The following CLK4 variants were observed in gnomAD, a reference collection of about 807,000 sequenced individuals.
CLK4 encodes dual specificity protein kinase CLK4.
A neutral mutation model predicts 64.4 loss-of-function variants in CLK4; 37 were observed. That is an observed-to-expected ratio of 0.57 (90% CI 0.44 to 0.76). CLK4 has a LOEUF of 0.76. CLK4 is among the 30% of genes least tolerant of loss of function. The pLI is 0.00. For synonymous variants in CLK4, 175 were observed against 191.6 expected (o/e 0.91, Z 0.72); for missense variants, 457 against 605.1 (o/e 0.76, Z 2.57).
chr5:178,609,734 AAT>A (rs56177248), intron 9 of CLK4, among the ~76,000 whole-genome samples: 41,598 of 141,556 alleles, frequency 0.29, 6,451 homozygotes, highest in Middle Eastern at 0.45. Flanking sequence ...AAAATTTTAA[AAT>A]ATATATATAT....
intron 2 of CLK4, chr5:178,619,800 TAG>T (rs1764680390): frequency 5.4e-6 from 7 of 1,289,236 alleles, no homozygotes; most frequent in African/African-American, 1.5e-5. Context: ...GAAAAGGACA[TAG>T]ATTCAATTGG....
rs1764570451 is a variant in CLK4 at position 178,612,458 on chromosome 5, A to G, written c.1009T>C (p.Leu337=). Residue 337 remains leucine (L), a synonymous_variant, in exon 9 of 13, where the codon TTG becomes CTG. Transcript: ENST00000316308. ...ATYDDEHHST[L]VSTRHYRAPE... The stretch of plus-strand genomic sequence containing the variant: ...GCTCTGTAGTGCCGGGTAGACACCA[A>G]AGTACTGTGATGTTCATCATCATAC... The G allele has an allele frequency of 1.2e-6, 2 of 1,614,072 alleles. No individual in the cohort carries two copies. Among genetic ancestry groups the G allele is most frequent in the South Asian group, 1.1e-5 (1 of 91,076 alleles).
In CLK4 at chr5:178,602,858, T is replaced by C. The variant is rs2113796595; in HGVS notation, c.*759A>G. 1 of 152,336 alleles carries C rather than the reference T, an allele frequency of 6.6e-6. No individual in the cohort carries two copies. Among genetic ancestry groups the C allele is most frequent in the South Asian group, 2.1e-4 (1 of 4,830 alleles). 9.4% of individuals were successfully genotyped at this position (152,336 alleles called of 1,614,324 possible). On this transcript the variant is annotated 3_prime_UTR_variant, in exon 13 of 13. Coordinates refer to ENST00000316308, the MANE Select transcript of CLK4 (RefSeq NM_020666.3). The stretch of plus-strand genomic sequence containing the variant: ...TTGATAAACAGATGCTGGCCAATGT[T>C]AAGACTCCTAAGGACTTGGTATTAA...
At chr5:178,613,984 T>TA (rs1325376456) in intron 5 of CLK4, 141 bp from the exon 6 acceptor site, 116 of 591,632 alleles carry the variant, frequency 2.0e-4, no homozygotes, top group African/African-American at 1.3e-3. Flanking sequence ...GCAGATTCCA[T>TA]ATAACATCTT....
intron 9 of CLK4, among the ~76,000 whole-genome samples, chr5:178,609,482 A>G (rs1764521891): frequency 1.3e-5 from 2 of 151,966 alleles, no homozygotes; most frequent in Admixed American, 1.3e-4. Flanking sequence ...GCAGTTCGAG[A>G]CCAGTCTGAC....
chr5:178,626,758 G>C (rs1396087241), intron 1 of CLK4, among the ~76,000 whole-genome samples, 188 bp downstream of exon 1: 2 of 152,230 alleles, frequency 1.3e-5, no homozygotes, highest in African/African-American at 4.8e-5. Flanking sequence ...AGAAGGGTCA[G>C]CGGCAGAACC....
chr5:178,620,034 C>A, intron 2 of CLK4: 1 of 366,578 alleles, frequency 2.7e-6, no homozygotes, highest in Non-Finnish European at 5.8e-6. Flanking sequence ...CATTCTTTTT[C>A]CCAGGGGGCT....
In CLK4 at chr5:178,613,635, A is replaced by G. The variant is rs138005379; in HGVS notation, c.664T>C (p.Cys222Arg). 1.7e-5 allele frequency: 27 copies of G among 1,609,110 alleles called. No individual in the cohort carries two copies. The highest frequency in any genetic ancestry group is 2.2e-5 in the Non-Finnish European group (26 of 1,177,842). Residue 222 changes from cysteine (C) to arginine (R), a missense_variant, in exon 7 of 13, where the codon TGT (cysteine) becomes CGT (arginine). Physicochemically the swap from Cys to Arg is radical, Grantham distance 180. Transcript: ENST00000316308. ...TCAAACCATTCTAGCATCTGGACACATCGGCTAAAACAGAGCAAAATAATA... is the reference window on the plus strand; with the variant it reads ...TCAAACCATTCTAGCATCTGGACACGTCGGCTAAAACAGAGCAAAATAATA... ...NSTDPNSVFR[C>R]VQMLEWFDHH...
intron 2 of CLK4, chr5:178,620,442 A>C: frequency 3.7e-6 from 1 of 273,162 alleles, no homozygotes; most frequent in South Asian, 3.3e-5. Context: ...CATGAGGACA[A>C]ACTAAAAGGA....
intron 10 of CLK4, among the ~76,000 whole-genome samples, chr5:178,607,137 G>C (rs1179734510): frequency 6.8e-6 from 1 of 147,590 alleles, no homozygotes; most frequent in Non-Finnish European, 1.5e-5. Flanking sequence ...AAAAAAAAAA[G>C]CAGGAGGGAT....
intron 2 of CLK4, among the ~76,000 whole-genome samples, chr5:178,621,116 C>A (rs998115220): frequency 2.0e-5 from 3 of 152,130 alleles, no homozygotes; most frequent in Admixed American, 2.0e-4. Flanking sequence ...AAAAACCCTG[C>A]GTGCTAGGCT....
intron 1 of CLK4, among the ~76,000 whole-genome samples, chr5:178,625,550 A>G (rs1157186483): frequency 6.6e-6 from 1 of 152,186 alleles, no homozygotes; most frequent in Non-Finnish European, 1.5e-5. Flanking sequence ...TTTTTAAATC[A>G]TAGCAAGCAA....
At chr5:178,604,187 G>A (rs765356572) in intron 11 of CLK4, 58 of 260,314 alleles carry the variant, frequency 2.2e-4, no homozygotes, top group Non-Finnish European at 3.4e-4. Flanking sequence ...TAAAACTAGG[G>A]GCCCCCTGGA....
chr5:178,605,488 A>C (rs1035921260), intron 10 of CLK4, 106 bp from the exon 11 acceptor site: 6 of 600,846 alleles, frequency 1.0e-5, no homozygotes, highest in East Asian at 3.2e-5. Context: ...CACTTCTTAC[A>C]CTGTTTAAAG....
At chr5:178,619,654 C>G in intron 2 of CLK4, 1 of 466,676 alleles carries the variant, frequency 2.1e-6, no homozygotes, top group Non-Finnish European at 3.4e-6. Flanking sequence ...ATCTAGAGAT[C>G]CCTTTGAAAA....
At chr5:178,619,889 A>G (rs888516076) in intron 2 of CLK4, 15 of 859,928 alleles carry the variant, frequency 1.7e-5, no homozygotes, top group African/African-American at 3.5e-5. Flanking sequence ...AGGGATGCAC[A>G]TGGAGCACTG....
intron 11 of CLK4, chr5:178,604,729 A>G (rs1764441335): frequency 6.6e-6 from 1 of 152,328 alleles, no homozygotes; most frequent in East Asian, 1.9e-4. Flanking sequence ...CTCAGGCAGC[A>G]ATAATGCTCA....
chr5:178,607,739 T>G (rs1046065097), intron 10 of CLK4, among the ~76,000 whole-genome samples: 15 of 151,918 alleles, frequency 9.9e-5, no homozygotes, highest in Non-Finnish European at 2.1e-4. Flanking sequence ...CTCGATCTCC[T>G]GACCTCATGA....
rs574645939 is a variant in CLK4 at position 178,605,587 on chromosome 5, C to T, written c.1135-205G>A. On this transcript the variant is annotated intron_variant, in intron 10 of 12. Coordinates refer to ENST00000316308, the MANE Select transcript of CLK4 (RefSeq NM_020666.3). Reference sequence around the variant, plus strand: ...AACATCCAGTACCCAATGAATAGTTCACTTGTTAACACTTACTACTCCCAG... The same window carrying T: ...AACATCCAGTACCCAATGAATAGTTTACTTGTTAACACTTACTACTCCCAG... Among the ~76,000 whole-genome samples, 18 of 152,300 alleles carry T rather than the reference C, an allele frequency of 1.2e-4. No individual in the cohort carries two copies. The South Asian group carries it at 3.3e-3, about 28-fold the overall frequency.
Sources: allele counts gnomAD v4.1 joint callset (sites outside exome capture counted in the v4.1 genomes callset), GRCh38; gene constraint gnomAD v4.1.1; transcripts MANE v1.5; gene names NCBI Gene and HGNC (gene_info 2026-07-23, HGNC 2026-07-21).